The following EPHB1 variants were observed in gnomAD, a reference collection of about 807,000 sequenced individuals.
EPHB1 encodes ephrin type-B receptor 1.
In EPHB1, 30 loss-of-function variants were observed where a neutral mutation model predicts 94.4. That is an observed-to-expected ratio of 0.32 (90% CI 0.24 to 0.43). The LOEUF (loss-of-function observed/expected upper bound fraction) is 0.43. EPHB1 is among the 20% of genes least tolerant of loss of function. The probability of loss-of-function intolerance (pLI) is 1.00; values close to 1 mark genes in which losing one functional copy is unlikely to be tolerated. For missense variants in EPHB1, 1,055 were observed against 1,308.3 expected, an observed-to-expected ratio of 0.81 and a Z score of 2.99; for synonymous variants, 522 against 489.1, an observed-to-expected ratio of 1.07 and a Z score of -0.89.
intron 4 of EPHB1, among the ~76,000 whole-genome samples, chr3:135,106,896 C>T (rs932275963): frequency 2.6e-5 from 4 of 152,168 alleles, no homozygotes; most frequent in African/African-American, 9.7e-5. Context: ...CTGGAGAGTT[C>T]TTTGGATGCA....
intron 1 of EPHB1, among the ~76,000 whole-genome samples, chr3:134,893,899 T>C (rs1367259387): frequency 3.3e-5 from 5 of 152,210 alleles, no homozygotes; most frequent in Admixed American, 3.3e-4. Flanking sequence ...ACAGAGCAGG[T>C]GCCTGTGGCC....
chr3:134,894,851 T>C (rs1037525993), intron 1 of EPHB1, among the ~76,000 whole-genome samples: 2 of 152,232 alleles, frequency 1.3e-5, no homozygotes, highest in Admixed American at 6.5e-5. Context: ...TCTCCTTCTG[T>C]TGGTTTTATT....
intron 4 of EPHB1, among the ~76,000 whole-genome samples, chr3:135,108,521 C>A (rs1212502863): frequency 6.6e-6 from 1 of 152,168 alleles, no homozygotes; most frequent in African/African-American, 2.4e-5. Flanking sequence ...TGAGATGCCT[C>A]TGTGTGTCCA....
intron 1 of EPHB1, among the ~76,000 whole-genome samples, chr3:134,868,752 GA>G (rs1454644665): frequency 2.6e-5 from 4 of 152,102 alleles, no homozygotes; most frequent in East Asian, 3.9e-4. Context: ...CAAATTATGG[GA>G]AAAAAAGCTG....
At chr3:134,945,492 A>G (rs1352521467) in intron 2 of EPHB1, among the ~76,000 whole-genome samples, 1 of 152,144 alleles carries the variant, frequency 6.6e-6, no homozygotes, top group South Asian at 2.1e-4. Flanking sequence ...AAAATGATTT[A>G]CCTTCTTCAT....
chr3:135,188,832 G>T (rs1942393816), intron 10 of EPHB1, among the ~76,000 whole-genome samples: 1 of 152,208 alleles, frequency 6.6e-6, no homozygotes, highest in South Asian at 2.1e-4. Context: ...ATTCTTTGCA[G>T]TTGGTGCTTT....
chr3:135,072,436 C>T (rs766161475), intron 3 of EPHB1, among the ~76,000 whole-genome samples: 27 of 152,140 alleles, frequency 1.8e-4, no homozygotes, highest in Non-Finnish European at 3.4e-4. Flanking sequence ...TAAGCCCCCG[C>T]AGTGACTTAT....
At chr3:135,174,073 A>G (rs959406523) in intron 9 of EPHB1, among the ~76,000 whole-genome samples, 1 of 152,180 alleles carries the variant, frequency 6.6e-6, no homozygotes, top group African/African-American at 2.4e-5. Flanking sequence ...TTTGTATTAC[A>G]TAACAACCTC....
chr3:134,968,781 G>C (rs966394024), intron 3 of EPHB1, among the ~76,000 whole-genome samples: 9 of 152,100 alleles, frequency 5.9e-5, no homozygotes, highest in Admixed American at 5.9e-4. Flanking sequence ...TCATGATCCT[G>C]TTGTCTTTTT....
At chr3:134,994,070 G>A (rs779919789) in intron 3 of EPHB1, among the ~76,000 whole-genome samples, 5 of 152,202 alleles carry the variant, frequency 3.3e-5, no homozygotes, top group South Asian at 2.1e-4. Flanking sequence ...CACATAATAC[G>A]TTCTGTCATG....
chr3:135,243,267 C>T (rs1201959376), intron 13 of EPHB1, among the ~76,000 whole-genome samples: 1 of 152,102 alleles, frequency 6.6e-6, no homozygotes, highest in Admixed American at 6.5e-5. Context: ...ATTAGACTTC[C>T]AGAATTCCCA....
In EPHB1 at chr3:135,004,663, T is replaced by C. The variant is rs534672925; in HGVS notation, c.805+52611T>C. ...CTTGGAGGCTTTGCTCGTTTCTTTTTATTCTTTTTTCTCTAAACTTCCCTT... is the reference window on the plus strand; with the variant it reads ...CTTGGAGGCTTTGCTCGTTTCTTTTCATTCTTTTTTCTCTAAACTTCCCTT... On this transcript the variant is annotated intron_variant, in intron 3 of 15. Coordinates refer to ENST00000398015, the MANE Select transcript of EPHB1 (RefSeq NM_004441.5). 1.4e-4 allele frequency among the ~76,000 whole-genome samples: 22 copies of C among 151,882 alleles called. No homozygotes were observed. The South Asian group carries it at 4.6e-3, about 32-fold the overall frequency.
chr3:135,064,065 T>C (rs1937550036), intron 3 of EPHB1, among the ~76,000 whole-genome samples: 1 of 152,186 alleles, frequency 6.6e-6, no homozygotes, highest in Non-Finnish European at 1.5e-5. Flanking sequence ...CAGTGGATTA[T>C]CTTTTTGATA....
At chr3:134,923,547 C>T (rs997559225) in intron 1 of EPHB1, among the ~76,000 whole-genome samples, 5 of 152,178 alleles carry the variant, frequency 3.3e-5, no homozygotes, top group African/African-American at 1.2e-4. Context: ...GCCACTCCCT[C>T]ACCTCCCTAG....
intron 10 of EPHB1, among the ~76,000 whole-genome samples, chr3:135,191,186 C>A (rs1293771404): frequency 6.6e-6 from 1 of 152,036 alleles, no homozygotes; most frequent in Non-Finnish European, 1.5e-5. Context: ...ACAGCCCCCC[C>A]AAAACACATA....
intron 12 of EPHB1, among the ~76,000 whole-genome samples, chr3:135,235,970 C>A (rs559737500): frequency 6.6e-6 from 1 of 152,140 alleles, no homozygotes; most frequent in Non-Finnish European, 1.5e-5. Context: ...AATAGTAGCC[C>A]GTGATGGTTC....
chr3:134,900,064 G>A (rs944057917), intron 1 of EPHB1, among the ~76,000 whole-genome samples: 7 of 152,114 alleles, frequency 4.6e-5, no homozygotes, highest in African/African-American at 1.2e-4. Flanking sequence ...GGTTAGAAGC[G>A]GGCTCTGGTT....
At chr3:134,935,334 G>T (rs553391190) in intron 2 of EPHB1, among the ~76,000 whole-genome samples, 33 of 152,220 alleles carry the variant, frequency 2.2e-4, no homozygotes, top group South Asian at 4.1e-4. Context: ...GTTGTCAGAA[G>T]AAAGATGAGC....
intron 1 of EPHB1, among the ~76,000 whole-genome samples, chr3:134,825,219 T>A (rs7645705): frequency 0.011 from 1,740 of 152,316 alleles, 33 homozygotes; most frequent in African/African-American, 0.04. Flanking sequence ...TCTTGGTGAA[T>A]CCTGCCCTAA....
Sources: allele counts gnomAD v4.1 joint callset (sites outside exome capture counted in the v4.1 genomes callset), GRCh38; gene constraint gnomAD v4.1.1; transcripts MANE v1.5; gene names NCBI Gene and HGNC (gene_info 2026-07-23, HGNC 2026-07-21).